The following CNTLN variants were observed in gnomAD, a reference collection of about 807,000 sequenced individuals.
The protein encoded by CNTLN is centlein, centrosomal protein.
A neutral mutation model predicts 180.0 loss-of-function variants in CNTLN; 212 were observed. The observed-to-expected ratio is 1.18, with a 90% CI of 1.05 to 1.32. The LOEUF is 1.32. Ranked by LOEUF, CNTLN falls within the 40% of genes most tolerant of loss-of-function variation. The pLI is 0.00. For synonymous variants in CNTLN, 722 were observed against 563.1 expected (o/e 1.28, Z -3.99); for missense variants, 2,095 against 1,610.9 (o/e 1.30, Z -5.14).
intron 12 of CNTLN, among the ~76,000 whole-genome samples, chr9:17,358,540 C>T (rs1382173507): frequency 6.6e-6 from 1 of 152,064 alleles, no homozygotes. Context: ...ATACACTATA[C>T]ACATACATAT....
rs904832322 is a variant in CNTLN at position 17,260,253 on chromosome 9, C to T, written c.850-13480C>T. Among the ~76,000 whole-genome samples, 7 of 149,818 alleles carry T rather than the reference C, an allele frequency of 4.7e-5. 1 individual carries two copies. The highest frequency in any genetic ancestry group is 1.8e-4 in the African/African-American group (7 of 39,598). The stretch of plus-strand genomic sequence containing the variant: ...TATGTACCCAGTAGTCATTCAGGAG[C>T]AGGTTGTTCAGTTTCCATGTAGTTG... On this transcript the variant is annotated intron_variant, in intron 5 of 25. Coordinates refer to ENST00000380647, the MANE Select transcript of CNTLN (RefSeq NM_017738.4).
intron 3 of CNTLN, among the ~76,000 whole-genome samples, chr9:17,232,392 CTATTA>C (rs1936768790): frequency 6.6e-6 from 1 of 151,816 alleles, no homozygotes; most frequent in South Asian, 2.1e-4. Context: ...TTTTGAATTA[CTATTA>C]TAAGTTCACT....
chr9:17,494,821 T>A (rs2134382539), intron 25 of CNTLN: 1 of 386,334 alleles, frequency 2.6e-6, no homozygotes, highest in South Asian at 2.0e-5. Flanking sequence ...CTGCACATAA[T>A]ACTCAATAAT....
chr9:17,463,103 T>C, intron 20 of CNTLN, 90 bp downstream of exon 20: 1 of 693,172 alleles, frequency 1.4e-6, no homozygotes, highest in Non-Finnish European at 2.5e-6. Context: ...TGCTAATGTT[T>C]ACGTTTTCCT....
chr9:17,242,846 G>T (rs1264456494), intron 5 of CNTLN, among the ~76,000 whole-genome samples: 3 of 152,118 alleles, frequency 2.0e-5, no homozygotes, highest in Non-Finnish European at 4.4e-5. Context: ...TAGTATCAGG[G>T]TAATACTGGC....
At chr9:17,154,551 ACT>A (rs1384737284) in intron 2 of CNTLN, among the ~76,000 whole-genome samples, 3 of 151,906 alleles carry the variant, frequency 2.0e-5, no homozygotes, top group Non-Finnish European at 2.9e-5. Flanking sequence ...GCCAGCCAGA[ACT>A]CTCCTGTATG....
At chr9:17,248,358 G>T (rs1166816771) in intron 5 of CNTLN, among the ~76,000 whole-genome samples, 1 of 151,902 alleles carries the variant, frequency 6.6e-6, no homozygotes, top group Non-Finnish European at 1.5e-5. Context: ...GAAGCTACCT[G>T]TCCCTGAATT....
chr9:17,212,514 C>G (rs926846633), intron 2 of CNTLN, among the ~76,000 whole-genome samples: 1 of 152,086 alleles, frequency 6.6e-6, no homozygotes, highest in Admixed American at 6.6e-5. Context: ...GTCTAAAATT[C>G]TCCTTTTTTG....
chr9:17,492,873 G>A (rs1833241285), intron 25 of CNTLN, among the ~76,000 whole-genome samples: 1 of 152,044 alleles, frequency 6.6e-6, no homozygotes, highest in Non-Finnish European at 1.5e-5. Context: ...AACAAAATGT[G>A]GTTTATGCAT....
At chr9:17,485,756 T>G (rs1384947167) in intron 24 of CNTLN, among the ~76,000 whole-genome samples, 1 of 152,128 alleles carries the variant, frequency 6.6e-6, no homozygotes, top group Non-Finnish European at 1.5e-5. Flanking sequence ...ATGTACATAT[T>G]CTGGAACACA....
At chr9:17,509,077 CT>C in the CNTLN span, among the ~76,000 whole-genome samples, 2 of 152,242 alleles carry the variant, frequency 1.3e-5, no homozygotes, top group African/African-American at 4.8e-5. Flanking sequence ...CCAACCACCC[CT>C]GTCTTTGCCC....
At chr9:17,451,652 C>G (rs1268291812) in intron 18 of CNTLN, among the ~76,000 whole-genome samples, 2 of 152,166 alleles carry the variant, frequency 1.3e-5, no homozygotes, top group African/African-American at 4.8e-5. Context: ...GTTGCTCCAG[C>G]ATGGACTGCA....
In CNTLN at chr9:17,263,048, T is replaced by A. The variant is rs1420838948; in HGVS notation, c.850-10685T>A. ...AAAGGTTTATCAATTTTTTTAATTT[T>A]ATTATTATTATACTTTAAGTTTTAG... On this transcript the variant is annotated intron_variant, in intron 5 of 25. Transcript: ENST00000380647. Among the ~76,000 whole-genome samples the A allele has an allele frequency of 1.3e-5, 2 of 151,404 alleles. 1 individual carries two copies. The highest frequency in any genetic ancestry group is 4.9e-5 in the African/African-American group (2 of 40,762).
chr9:17,420,540 G>A (rs1043629803), intron 18 of CNTLN, among the ~76,000 whole-genome samples: 18 of 151,318 alleles, frequency 1.2e-4, no homozygotes, highest in African/African-American at 2.4e-4. Flanking sequence ...TGTTTTGTTC[G>A]TTTTAATTTC....
intron 18 of CNTLN, among the ~76,000 whole-genome samples, chr9:17,436,901 C>T (rs1207127582): frequency 6.6e-6 from 1 of 152,052 alleles, no homozygotes; most frequent in Non-Finnish European, 1.5e-5. Flanking sequence ...TTTACCTTAC[C>T]CCAATAGTTT....
At chr9:17,308,341 TC>T (rs1468587692) in intron 7 of CNTLN, among the ~76,000 whole-genome samples, 1 of 152,176 alleles carries the variant, frequency 6.6e-6, no homozygotes, top group Non-Finnish European at 1.5e-5. Flanking sequence ...TTTCAGTAAC[TC>T]CCTGTTGTCT....
In CNTLN at chr9:17,213,561, G is replaced by A. The variant is rs189984289; in HGVS notation, c.450-12642G>A. Among the ~76,000 whole-genome samples, 680 of 152,342 alleles carry A rather than the reference G, an allele frequency of 4.5e-3. 4 individuals carry two copies. The highest frequency in any genetic ancestry group is 8.0e-3 in the Non-Finnish European group (547 of 68,032). On this transcript the variant is annotated intron_variant, in intron 2 of 25. Transcript: ENST00000380647. ...ACTTGGGGTGAAGAGTTCTGTAGATGTCTCTTAGGTCTGCTTGGTGCAGAG... is the reference window on the plus strand; with the variant it reads ...ACTTGGGGTGAAGAGTTCTGTAGATATCTCTTAGGTCTGCTTGGTGCAGAG...
At chr9:17,274,173 C>G (rs1362662513) in intron 6 of CNTLN, among the ~76,000 whole-genome samples, 1 of 152,040 alleles carries the variant, frequency 6.6e-6, no homozygotes, top group South Asian at 2.1e-4. Flanking sequence ...ACATGATGCT[C>G]ATATTGTTAC....
At chr9:17,508,310 A>T (rs1275705397), downstream of CNTLN, among the ~76,000 whole-genome samples, 2 of 152,224 alleles carry the variant, frequency 1.3e-5, no homozygotes, top group Non-Finnish European at 2.9e-5. Flanking sequence ...GAGTTTTTGA[A>T]TACACTTCAC....
Sources: allele counts gnomAD v4.1 joint callset (sites outside exome capture counted in the v4.1 genomes callset), GRCh38; gene constraint gnomAD v4.1.1; transcripts MANE v1.5; gene names NCBI Gene and HGNC (gene_info 2026-07-23, HGNC 2026-07-21).